ZHX2: variants seen among roughly 807,000 people sequenced by gnomAD.
ZHX2 encodes the protein zinc fingers and homeoboxes 2.
Under a neutral mutation model 21.9 loss-of-function variants are expected in ZHX2, and 6 were observed. That is an observed-to-expected ratio of 0.27 (90% confidence interval 0.15 to 0.54). ZHX2 has a LOEUF of 0.54. ZHX2 is among the 20% of genes least tolerant of loss of function. The probability of loss-of-function intolerance (pLI) is 0.95; values close to 1 mark genes in which losing one functional copy is unlikely to be tolerated. For missense variants in ZHX2, 908 were observed against 1,090.7 expected (o/e 0.83, Z 2.36); for synonymous variants, 434 against 437.1 (o/e 0.99, Z 0.09).
intron 1 of ZHX2, among the ~76,000 whole-genome samples, chr8:122,784,846 C>T (rs989701338): frequency 2.0e-5 from 3 of 152,190 alleles, no homozygotes; most frequent in Admixed American, 6.5e-5. Flanking sequence ...AGCTAGTAAG[C>T]GGAGTGGCAG....
intron 2 of ZHX2, among the ~76,000 whole-genome samples, chr8:122,866,700 A>T (rs1819306451): frequency 1.3e-5 from 2 of 152,192 alleles, no homozygotes; most frequent in South Asian, 4.1e-4. Context: ...TATGCTGAGA[A>T]GTGTGTCGAG....
chr8:122,954,047 C>G lies in ZHX2; in HGVS notation c.*4+19C>G, dbSNP rs369531252. ...TAGACAGGTAATTCCACCTGCTCAC[C>G]CAGGCAGCAGGGGAGAACGCAGCTT... On this transcript the variant is annotated intron_variant, in intron 3 of 3. Coordinates refer to ENST00000314393, the MANE Select transcript of ZHX2 (RefSeq NM_014943.5). 1.9e-5 allele frequency: 30 copies of G among 1,557,740 alleles called. No homozygotes were observed. In the African/African-American group the frequency reaches 4.1e-4, roughly 21 times the overall value.
At chr8:122,905,330 A>T (rs1285149374) in intron 2 of ZHX2, among the ~76,000 whole-genome samples, 2 of 152,244 alleles carry the variant, frequency 1.3e-5, no homozygotes, top group Non-Finnish European at 2.9e-5. Context: ...TATGCACAGC[A>T]CCAGATTTCT....
intron 2 of ZHX2, among the ~76,000 whole-genome samples, chr8:122,933,034 T>C (rs964312537): frequency 2.6e-5 from 4 of 151,948 alleles, no homozygotes; most frequent in African/African-American, 9.7e-5. Flanking sequence ...CTCTTCGAGG[T>C]AGAGATGAAA....
chr8:122,855,381 C>A (rs1286520903), intron 1 of ZHX2, among the ~76,000 whole-genome samples: 1 of 152,092 alleles, frequency 6.6e-6, no homozygotes. Flanking sequence ...AGCTGCCAAG[C>A]CCTTCCCATC....
chr8:122,925,644 G>A (rs1460920982), intron 2 of ZHX2, among the ~76,000 whole-genome samples: 1 of 152,214 alleles, frequency 6.6e-6, no homozygotes, highest in Non-Finnish European at 1.5e-5. Context: ...AGATTTTGGA[G>A]AGAGGGCTGG....
In ZHX2 at chr8:122,910,661, G is replaced by A. The variant is rs116028154; in HGVS notation, c.-219-40631G>A. Among the ~76,000 whole-genome samples, 6 of 152,200 alleles carry A rather than the reference G, an allele frequency of 3.9e-5. 1 individual carries two copies. Among genetic ancestry groups the A allele is most frequent in the Middle Eastern group, 6.8e-3 (2 of 294 alleles). On this transcript the variant is annotated intron_variant, in intron 2 of 3. Transcript: ENST00000314393. ...CCTCAGGCACGGGGTTACTGGTGGG[G>A]CAGTACGGACCAACCCTCACCCTGG...
Position 122,938,203 on chromosome 8 carries a change from G to A in ZHX2, c.-219-13089G>A, listed in dbSNP as rs532927610. Among the ~76,000 whole-genome samples, 8 of 151,336 alleles carry A rather than the reference G, an allele frequency of 5.3e-5. No individual in the cohort carries two copies. The South Asian group carries it at 1.7e-3, about 31-fold the overall frequency. ...CCACCTCGGCCTCCCAAAGTGCCGG[G>A]ATTACAGGCATGAGCCACCATGCCC... On this transcript the variant is annotated intron_variant, in intron 2 of 3. Transcript: ENST00000314393.
chr8:122,860,926 G>A (rs553464587), intron 1 of ZHX2, among the ~76,000 whole-genome samples: 4 of 151,732 alleles, frequency 2.6e-5, no homozygotes, highest in East Asian at 1.9e-4. Context: ...CCAGCTACTC[G>A]GGAGGCTGAA....
chr8:122,875,379 G>T (rs1048138827), intron 2 of ZHX2, among the ~76,000 whole-genome samples: 1 of 151,852 alleles, frequency 6.6e-6, no homozygotes, highest in Non-Finnish European at 1.5e-5. Flanking sequence ...GGCCCACAAA[G>T]CCTAAGATAT....
chr8:122,915,239 G>A (rs1820572104), intron 2 of ZHX2, among the ~76,000 whole-genome samples: 1 of 152,158 alleles, frequency 6.6e-6, no homozygotes, highest in South Asian at 2.1e-4. Flanking sequence ...CCCCTTCAAA[G>A]GCCTTTACCA....
intron 2 of ZHX2, among the ~76,000 whole-genome samples, chr8:122,893,593 T>C (rs1820031658): frequency 6.6e-6 from 1 of 152,188 alleles, no homozygotes; most frequent in South Asian, 2.1e-4. Context: ...TTTTTCTACT[T>C]GATCTAGTCT....
chr8:122,966,204 G>A (rs1813581723), intron 3 of ZHX2, among the ~76,000 whole-genome samples: 1 of 152,058 alleles, frequency 6.6e-6, no homozygotes, highest in African/African-American at 2.4e-5. Flanking sequence ...GTTGTTGCAT[G>A]AATACCTTGG....
chr8:122,829,942 T>G (rs115858372), intron 1 of ZHX2, among the ~76,000 whole-genome samples: 3,441 of 152,302 alleles, frequency 0.023, 117 homozygotes, highest in African/African-American at 0.079. Context: ...AGTCTGAATG[T>G]GCCACATTGA....
rs538478417 is a variant in ZHX2, at chr8:122,837,404, C to T, written c.-282-26073C>T. 3.3e-5 allele frequency among the ~76,000 whole-genome samples: 5 copies of T among 152,248 alleles called. No individual in the cohort carries two copies. The South Asian group carries it at 8.3e-4, about 25-fold the overall frequency. On this transcript the variant is annotated intron_variant, in intron 1 of 3. Transcript: ENST00000314393. The stretch of plus-strand genomic sequence containing the variant: ...CCCCATCTCTAATCGTGAGCCCCAT[C>T]CTGGAAGTCACTTGTAATAAGGAAA...
chr8:122,831,282 G>T (rs1016596178), intron 1 of ZHX2, among the ~76,000 whole-genome samples: 2 of 152,202 alleles, frequency 1.3e-5, no homozygotes, highest in African/African-American at 4.8e-5. Flanking sequence ...GTAGGAAAAG[G>T]CGGCGGCCAG....
At chr8:122,942,159 T>C (rs1028664730) in intron 2 of ZHX2, among the ~76,000 whole-genome samples, 4 of 151,704 alleles carry the variant, frequency 2.6e-5, no homozygotes, top group African/African-American at 9.7e-5. Flanking sequence ...TAATTCCTCC[T>C]GCCCTGCCCC....
chr8:122,848,310 G>A (rs1818802836), intron 1 of ZHX2, among the ~76,000 whole-genome samples: 1 of 152,132 alleles, frequency 6.6e-6, no homozygotes. Context: ...CTTTTCAGTT[G>A]TCACTGAAGA....
chr8:122,878,791 A>C (rs1251883612), intron 2 of ZHX2, among the ~76,000 whole-genome samples: 1 of 152,000 alleles, frequency 6.6e-6, no homozygotes, highest in Non-Finnish European at 1.5e-5. Context: ...GCTTGATGAA[A>C]CCTTCAAGCC....
Sources: allele counts gnomAD v4.1 joint callset (sites outside exome capture counted in the v4.1 genomes callset), GRCh38; gene constraint gnomAD v4.1.1; transcripts MANE v1.5; gene names NCBI Gene and HGNC (gene_info 2026-07-23, HGNC 2026-07-21).